Variants in WWOX observed in about 807,000 individuals in gnomAD.
The protein encoded by WWOX is WW domain containing oxidoreductase, also known as WW domain-containing oxidoreductase.
WWOX carries 69 observed loss-of-function variants against 46.2 expected under a neutral mutation model. That is an observed-to-expected ratio of 1.49 (90% CI 1.23 to 1.82). The LOEUF is 1.82. Ranked by LOEUF, WWOX falls within the 40% of genes most tolerant of loss-of-function variation. The pLI is 0.00. For synonymous variants in WWOX, 359 were observed against 202.6 expected (o/e 1.77, Z -6.56); for missense variants, 919 against 542.6 (o/e 1.69, Z -6.89).
chr16:79,131,312 G>A (rs1384991985), intron 8 of WWOX, among the ~76,000 whole-genome samples: 2 of 152,148 alleles, frequency 1.3e-5, no homozygotes, highest in Non-Finnish European at 2.9e-5. Flanking sequence ...CCTTGAGTGA[G>A]TTATGTGCTT....
intron 5 of WWOX, among the ~76,000 whole-genome samples, chr16:78,314,688 GT>G (rs375905643): frequency 2.2e-3 from 200 of 90,468 alleles, no homozygotes; most frequent in Non-Finnish European, 3.0e-3. Context: ...CCCTGCAGGG[GT>G]TTTTTTTTTT....
chr16:78,857,680 C>G (rs1254079060), intron 8 of WWOX, among the ~76,000 whole-genome samples: 12 of 152,166 alleles, frequency 7.9e-5, no homozygotes, highest in Admixed American at 2.0e-4. Context: ...AAGGCTGAAT[C>G]TTTGAATTGA....
chr16:78,275,566 T>G (rs1394092636), intron 5 of WWOX, among the ~76,000 whole-genome samples: 8 of 152,188 alleles, frequency 5.3e-5, no homozygotes, highest in Admixed American at 5.2e-4. Flanking sequence ...GGCGGTATCC[T>G]GAATGAAAGA....
intron 8 of WWOX, among the ~76,000 whole-genome samples, chr16:78,567,619 C>A (rs1466044123): frequency 6.6e-6 from 1 of 151,476 alleles, no homozygotes; most frequent in African/African-American, 2.4e-5. Context: ...CCCAAGCTCG[C>A]CGCAGCCTGC....
intron 4 of WWOX, among the ~76,000 whole-genome samples, chr16:78,122,478 A>G (rs568390822): frequency 6.6e-6 from 1 of 152,362 alleles, no homozygotes; most frequent in Admixed American, 6.5e-5. Context: ...GTTTTGTAGC[A>G]TTACGTAAAG....
intron 8 of WWOX, among the ~76,000 whole-genome samples, chr16:78,628,047 G>T (rs1056031605): frequency 2.6e-5 from 4 of 152,212 alleles, no homozygotes; most frequent in Non-Finnish European, 2.9e-5. Flanking sequence ...CCCAAGGAAA[G>T]ATACAGGGTG....
At chr16:79,201,902 AAAG>A (rs934174717) in intron 8 of WWOX, among the ~76,000 whole-genome samples, 46 of 152,284 alleles carry the variant, frequency 3.0e-4, no homozygotes, top group African/African-American at 9.9e-4. Context: ...CTTGCAGGAA[AAAG>A]AAGAATTTTC....
intron 8 of WWOX, among the ~76,000 whole-genome samples, chr16:78,774,091 G>A (rs2050129444): frequency 1.3e-5 from 2 of 152,120 alleles, no homozygotes; most frequent in South Asian, 2.1e-4. Context: ...TGAAAGAAGG[G>A]CTGGAGATTT....
chr16:78,213,010 G>A (rs1405618625), intron 5 of WWOX, among the ~76,000 whole-genome samples: 1 of 152,076 alleles, frequency 6.6e-6, no homozygotes, highest in Non-Finnish European at 1.5e-5. Context: ...TGTAATCCCA[G>A]CAACTTGGGA....
At chr16:78,304,420 G>A (rs543900942) in intron 5 of WWOX, among the ~76,000 whole-genome samples, 10 of 152,176 alleles carry the variant, frequency 6.6e-5, no homozygotes, top group African/African-American at 1.2e-4. Context: ...TTCTGCAGAG[G>A]CTTCTAGAAT....
chr16:79,201,483 A>G (rs2051351021), intron 8 of WWOX, among the ~76,000 whole-genome samples: 1 of 152,016 alleles, frequency 6.6e-6, no homozygotes, highest in Admixed American at 6.5e-5. Context: ...AGCATTCTTC[A>G]AGGGCTCCAG....
intron 8 of WWOX, among the ~76,000 whole-genome samples, chr16:79,137,036 T>C (rs1266126541): frequency 6.6e-6 from 1 of 152,176 alleles, no homozygotes; most frequent in Non-Finnish European, 1.5e-5. Flanking sequence ...TTTATTACCA[T>C]AAACTGCCAA....
At position 78,211,575 on chromosome 16, in the gene WWOX, T is replaced by A. The variant is rs567729415; in HGVS notation, c.516+47286T>A. Among the ~76,000 whole-genome samples, 4 of 152,300 alleles carry A rather than the reference T, an allele frequency of 2.6e-5. No homozygotes were observed. In the South Asian group the frequency reaches 8.3e-4, roughly 32 times the overall value. On this transcript the variant is annotated intron_variant, in intron 5 of 8. Transcript: ENST00000566780. ...TTGCTCCTGCTGCTGCTGCTGCTGC[T>A]GCATTGTCAAGACTACATTGATGTC...
rs75472002 is a variant in WWOX, at chr16:79,096,471, C to T, written c.1057-115137C>T. 9.8e-3 allele frequency among the ~76,000 whole-genome samples: 1,498 copies of T among 152,168 alleles called. 32 individuals carry two copies. The highest frequency in any genetic ancestry group is 0.035 in the African/African-American group (1,436 of 41,510). The stretch of plus-strand genomic sequence containing the variant: ...TGTTCAATGGAATGAGACCCATGCC[C>T]CTCCTGGTTATCCCACTCAGAGTGC... On this transcript the variant is annotated intron_variant, in intron 8 of 8. Transcript: ENST00000566780.
rs749508996 is a variant in WWOX at position 78,415,429 on chromosome 16, T to A, written c.606-9441T>A. 2.0e-5 allele frequency among the ~76,000 whole-genome samples: 3 copies of A among 152,322 alleles called. No homozygotes were observed. In the South Asian group the frequency reaches 6.2e-4, roughly 32 times the overall value. On this transcript the variant is annotated intron_variant, in intron 6 of 8. Transcript: ENST00000566780. ...GGTCTTTATGACCTGTATCTTGTGC[T>A]GACCTCCTATGTTATCCTGTAACTT...
chr16:78,441,131 C>G (rs11862866), intron 8 of WWOX, among the ~76,000 whole-genome samples: 2 of 151,738 alleles, frequency 1.3e-5, no homozygotes, highest in South Asian at 2.1e-4. Flanking sequence ...TTAGTAGAGA[C>G]GGGATTTCAA....
chr16:79,205,705 G>C, intron 8 of WWOX: 1 of 151,672 alleles, frequency 6.6e-6, no homozygotes. Context: ...ATACCTACAG[G>C]AAGTATTTGC....
At chr16:78,367,099 C>A (rs1033709498) in intron 5 of WWOX, among the ~76,000 whole-genome samples, 1 of 151,214 alleles carries the variant, frequency 6.6e-6, no homozygotes, top group Non-Finnish European at 1.5e-5. Context: ...CCTGCCTCAG[C>A]CTCCTAAGTA....
chr16:78,432,457 G>A (rs375298336), intron 7 of WWOX, 31 bp from the exon 8 acceptor site: 1 of 1,610,430 alleles, frequency 6.2e-7, no homozygotes, highest in African/African-American at 1.3e-5. Context: ...TCAGAACTTG[G>A]TTGCTTCATG....
Sources: gnomAD v4.1 joint callset for allele counts (sites outside exome capture counted in the v4.1 genomes callset) on GRCh38, gnomAD v4.1.1 for gene constraint, MANE v1.5 for transcripts, NCBI Gene and HGNC (gene_info 2026-07-23, HGNC 2026-07-21) for gene names.